Variants in PABPC1L observed in about 807,000 individuals in gnomAD.
PABPC1L encodes poly(A) binding protein cytoplasmic 1 like.
In PABPC1L, 31 loss-of-function variants were observed where a neutral mutation model predicts 66.6. The observed-to-expected ratio is 0.47, with a 90% CI of 0.35 to 0.63. The LOEUF (loss-of-function observed/expected upper bound fraction) is 0.63. Ranked by LOEUF, PABPC1L falls within the 20% of genes least tolerant of loss-of-function variation. The pLI is 0.00. For synonymous variants in PABPC1L, 348 were observed against 335.1 expected (o/e 1.04, Z -0.42); for missense variants, 722 against 848.8 (o/e 0.85, Z 1.86).
chr20:44,937,478 G>A (rs1400991164), intron 12 of PABPC1L, among the ~76,000 whole-genome samples: 4 of 151,814 alleles, frequency 2.6e-5, no homozygotes, highest in East Asian at 1.9e-4. Context: ...GCAGTGGCAC[G>A]ATTTTGGCTC....
In PABPC1L at chr20:44,916,739, T is replaced by A. The variant is rs891708091; in HGVS notation, c.388-17T>A. 2 of 1,613,060 alleles carry A rather than the reference T, an allele frequency of 1.2e-6. No individual in the cohort carries two copies. The highest frequency in any genetic ancestry group is 1.3e-5 in the African/African-American group (1 of 75,044). ...CCTCTGTCAGTACTCTTCCTGTCCT[T>A]CCTCCCTGTGGCCCAGGTGGCGTGT... is the stretch of plus-strand genomic sequence containing the variant. On this transcript the variant is annotated splice_polypyrimidine_tract_variant and intron_variant, in intron 2 of 14. Transcript: ENST00000217073.
At chr20:44,936,801 A>C (rs2066904578) in intron 12 of PABPC1L, 71 bp downstream of exon 12, 1 of 1,453,588 alleles carries the variant, frequency 6.9e-7, no homozygotes. Context: ...GCTGGGAAAC[A>C]CCTCACCTGG....
chr20:44,919,501 G>A (rs542012407), intron 5 of PABPC1L, among the ~76,000 whole-genome samples: 1 of 152,214 alleles, frequency 6.6e-6, no homozygotes, highest in African/African-American at 2.4e-5. Flanking sequence ...TGAATATTTA[G>A]GTAGGGATGC....
rs562186546 is a variant in PABPC1L at position 44,930,731 on chromosome 20, C to T, written c.1239+5C>T. The T allele has an allele frequency of 3.4e-5, 55 of 1,610,850 alleles. No homozygotes were observed. The South Asian group carries it at 4.5e-4, about 13-fold the overall frequency. ...TTCCTGCCTGCCATGCCCCAGGTGA[C>T]GGCCTGCCCGCAACTCCCACCGCAG... is the stretch of plus-strand genomic sequence containing the variant. On this transcript the variant is annotated splice_donor_5th_base_variant and intron_variant, in intron 8 of 14. Coordinates refer to ENST00000217073, the MANE Select transcript of PABPC1L (RefSeq NM_001372179.1).
chr20:44,921,505 G>T, intron 5 of PABPC1L, 89 bp from the exon 6 acceptor site: 1 of 1,533,082 alleles, frequency 6.5e-7, no homozygotes, highest in Admixed American at 2.0e-5. Context: ...AGCCTGGTTT[G>T]CAGGTGGCCC....
chr20:44,913,333 A>G (rs2066717289), intron 2 of PABPC1L, among the ~76,000 whole-genome samples: 1 of 152,042 alleles, frequency 6.6e-6, no homozygotes, highest in African/African-American at 2.4e-5. Flanking sequence ...TGGCAATGGC[A>G]GGGGCTCAGA....
rs71337895 is a variant in PABPC1L at position 44,916,002 on chromosome 20, A to AT, written c.388-744dup. 2.7e-4 allele frequency among the ~76,000 whole-genome samples: 40 copies of AT among 145,796 alleles called. 1 individual carries two copies. In the Middle Eastern group the frequency reaches 0.014, roughly 51 times the overall value. ...TAGATGCCTACTTTAGCCTGAATGG[A>AT]TTTTTTTTTTCACTTAACAAGACTG... On this transcript the variant is annotated intron_variant, in intron 2 of 14. Transcript: ENST00000217073.
chr20:44,924,251 G>A lies in PABPC1L; in HGVS notation c.967G>A (p.Ala323Thr), dbSNP rs1474398114. ...EFSPYGVITS[A>T]KVMTEGGHSK... ...CTCTCCCTATGGAGTAATTACCAGTGCGAAGGTGAGGACTGGGGGCACCTC... is the reference window on the plus strand; with the variant it reads ...CTCTCCCTATGGAGTAATTACCAGTACGAAGGTGAGGACTGGGGGCACCTC... Residue 323 changes from alanine to threonine, a missense_variant, in exon 7 of 15, where the codon GCG becomes ACG. Around this residue, in one of 3 missense-constraint regions of PABPC1L, gnomAD observed 137 missense variants for 216.8 expected, o/e 0.63. Coordinates refer to ENST00000217073, the MANE Select transcript of PABPC1L (RefSeq NM_001372179.1). The A allele has an allele frequency of 1.2e-6, 2 of 1,611,724 alleles. No homozygotes were observed. Among genetic ancestry groups the A allele is most frequent in the Non-Finnish European group, 1.7e-6 (2 of 1,178,010 alleles).
chr20:44,915,341 G>A (rs1404665617), intron 2 of PABPC1L, among the ~76,000 whole-genome samples: 1 of 152,118 alleles, frequency 6.6e-6, no homozygotes, highest in Non-Finnish European at 1.5e-5. Flanking sequence ...AGGGATGAGT[G>A]GAGCCACAGT....
Position 44,921,566 on chromosome 20 carries a change from C to A in PABPC1L, c.739-28C>A, listed in dbSNP as rs778670874. 14 of 1,611,800 alleles carry A rather than the reference C, an allele frequency of 8.7e-6. No homozygotes were observed. In the South Asian group the frequency reaches 1.5e-4, roughly 18 times the overall value. Reference sequence around the variant, plus strand: ...GCCAGGGCCACATCTGAGTGGTTACCAAGCATGTTCCCTCCTCCTTTCCCC... The same window carrying A: ...GCCAGGGCCACATCTGAGTGGTTACAAAGCATGTTCCCTCCTCCTTTCCCC... On this transcript the variant is annotated intron_variant, in intron 5 of 14. Transcript: ENST00000217073.
Position 44,910,310 on chromosome 20 carries a change from A to G in PABPC1L, c.167A>G (p.Tyr56Cys). ...ACCCGGCGCTCGCTGGGCTACGCCT[A>G]CATCAACTTCCAGCAGCCCGCGGAC... The part of the protein sequence containing the change: ...VATRRSLGYA[Y>C]INFQQPADAE... Residue 56 changes from tyrosine to cysteine, a missense_variant, in exon 1 of 15, where the codon TAC becomes TGC. Coordinates refer to ENST00000217073, the MANE Select transcript of PABPC1L (RefSeq NM_001372179.1). 6.5e-7 allele frequency: 1 copy of G among 1,528,706 alleles called. No homozygotes were observed. Among genetic ancestry groups the G allele is most frequent in the East Asian group, 2.6e-5 (1 of 38,686 alleles). 94.7% of individuals were successfully genotyped at this position (1,528,706 alleles called of 1,614,324 possible). A position where few individuals can be genotyped will look rare whatever the true frequency, so the allele number is the denominator to read the frequency against.
At chr20:44,916,317 G>A (rs1214736118) in intron 2 of PABPC1L, among the ~76,000 whole-genome samples, 1 of 152,136 alleles carries the variant, frequency 6.6e-6, no homozygotes, top group Non-Finnish European at 1.5e-5. Context: ...CTGTCACCCA[G>A]GATGGAGTTC....
At chr20:44,912,992 C>T (rs1042651913) in intron 2 of PABPC1L, 139 bp downstream of exon 2, 22 of 711,234 alleles carry the variant, frequency 3.1e-5, no homozygotes, top group Non-Finnish European at 4.5e-5. Flanking sequence ...ACCTGAATGA[C>T]AGCCGTTCTT....
chr20:44,922,046 C>T (rs774404792), intron 6 of PABPC1L, among the ~76,000 whole-genome samples: 4 of 152,158 alleles, frequency 2.6e-5, no homozygotes, highest in Non-Finnish European at 5.9e-5. Context: ...TCTCAGACAA[C>T]CAAAGTACCC....
rs1438854713 is a variant in PABPC1L, at chr20:44,938,704, C to T, written c.1822C>T (p.His608Tyr). 7 of 1,611,876 alleles carry T rather than the reference C, an allele frequency of 4.3e-6. No individual in the cohort carries two copies. The highest frequency in any genetic ancestry group is 1.3e-5 in the African/African-American group (1 of 75,032). Reference sequence around the variant, plus strand: ...CGAGGCAGTGGCCGTGCTGCAGGCACACCAGGCTATGGAGCAGCCGAAGGC... The same window carrying T: ...CGAGGCAGTGGCCGTGCTGCAGGCATACCAGGCTATGGAGCAGCCGAAGGC... ...IDEAVAVLQAHQAMEQPKAYM... is the reference protein window; with the variant it reads ...IDEAVAVLQAYQAMEQPKAYM... The change falls in exon 14 of 15, where the codon CAC becomes TAC. Residue 608 changes from histidine to tyrosine, a missense_variant. Physicochemically the swap from His to Tyr is moderately conservative, Grantham distance 83. This residue lies in a region of PABPC1L where 301 missense variants were observed against 337.2 expected (regional missense o/e 0.89). Transcript: ENST00000217073.
intron 7 of PABPC1L, among the ~76,000 whole-genome samples, chr20:44,927,256 A>C (rs984930675): frequency 6.6e-6 from 1 of 152,166 alleles, no homozygotes; most frequent in Non-Finnish European, 1.5e-5. Flanking sequence ...TTATACCACT[A>C]TCAAGTTCAT....
chr20:44,911,337 G>T (rs951423651), intron 1 of PABPC1L, among the ~76,000 whole-genome samples: 1 of 152,070 alleles, frequency 6.6e-6, no homozygotes, highest in East Asian at 1.9e-4. Context: ...GATGGCGGAC[G>T]CCTGTAATCC....
At chr20:44,921,022 A>G (rs1008301971) in intron 5 of PABPC1L, among the ~76,000 whole-genome samples, 8 of 151,064 alleles carry the variant, frequency 5.3e-5, no homozygotes, top group Non-Finnish European at 8.8e-5. Context: ...CAAGTTGGCC[A>G]GGCTGGTTTC....
intron 2 of PABPC1L, among the ~76,000 whole-genome samples, chr20:44,916,387 C>T (rs1214640189): frequency 6.6e-6 from 1 of 152,230 alleles, no homozygotes; most frequent in African/African-American, 2.4e-5. Context: ...ATTCCCCTGC[C>T]TCAGCCTCCT....
Sources: allele counts gnomAD v4.1 joint callset (sites outside exome capture counted in the v4.1 genomes callset), GRCh38; gene constraint gnomAD v4.1.1; regional missense constraint gnomAD v4.1.1; transcripts MANE v1.5; gene names NCBI Gene and HGNC (gene_info 2026-07-23, HGNC 2026-07-21).